The following FSIP1 variants were observed in gnomAD, a reference collection of about 807,000 sequenced individuals.
FSIP1 encodes the protein fibrous sheath-interacting protein 1.
Under a neutral mutation model 60.9 loss-of-function variants are expected in FSIP1, and 65 were observed. The ratio of observed to expected loss-of-function variants is 1.07; its 90% CI spans 0.87 to 1.31. FSIP1 has a LOEUF of 1.31. FSIP1 is among the 40% of genes most tolerant of loss of function. The probability of loss-of-function intolerance (pLI) is 0.00; values close to 1 mark genes in which losing one functional copy is unlikely to be tolerated. For missense variants in FSIP1, 675 were observed against 665.5 expected (o/e 1.01, Z -0.16); for synonymous variants, 209 against 221.2 (o/e 0.94, Z 0.49).
rs187058016 is a variant in FSIP1 at position 39,698,028 on chromosome 15, G to A, written c.1188+15416C>T. ...AAAAAATAAACCAATGTATCTGAGT[G>A]CTACATAAATCACCTTTTTCTACTC... On this transcript the variant is annotated intron_variant, in intron 10 of 11. Transcript: ENST00000350221. Among the ~76,000 whole-genome samples the A allele has an allele frequency of 3.5e-3, 530 of 151,892 alleles. 3 individuals carry two copies. The highest frequency in any genetic ancestry group is 0.012 in the African/African-American group (506 of 41,460).
At chr15:39,751,956 A>G (rs1897176479) in intron 5 of FSIP1, among the ~76,000 whole-genome samples, 1 of 151,992 alleles carries the variant, frequency 6.6e-6, no homozygotes, top group Non-Finnish European at 1.5e-5. Flanking sequence ...CCTTAAATAT[A>G]CACAATAAAA....
downstream of FSIP1, chr15:39,598,301 A>G (rs1890524706): frequency 6.6e-6 from 1 of 152,234 alleles, no homozygotes; most frequent in Non-Finnish European, 1.5e-5. Flanking sequence ...CTCTCATTCT[A>G]TAAATACTCA....
intron 10 of FSIP1, among the ~76,000 whole-genome samples, chr15:39,693,085 C>T (rs890859565): frequency 6.6e-5 from 10 of 152,200 alleles, no homozygotes; most frequent in Non-Finnish European, 8.8e-5. Flanking sequence ...GCTGTGATGC[C>T]GCCAAAGTGC....
chr15:39,615,541 A>C (rs923864182), intron 11 of FSIP1, among the ~76,000 whole-genome samples: 3 of 152,086 alleles, frequency 2.0e-5, no homozygotes, highest in Admixed American at 2.0e-4. Context: ...AGAAAATGTA[A>C]ATTAAAATCA....
chr15:39,620,579 A>G (rs1432155622), intron 10 of FSIP1, among the ~76,000 whole-genome samples: 1 of 151,788 alleles, frequency 6.6e-6, no homozygotes, highest in Non-Finnish European at 1.5e-5. Context: ...ATATAAAAAT[A>G]AAAGTAATTT....
intron 5 of FSIP1, among the ~76,000 whole-genome samples, chr15:39,753,950 ATGC>A (rs1566914324): frequency 1.0e-4 from 2 of 19,496 alleles, no homozygotes; most frequent in Non-Finnish European, 4.8e-4. Context: ...TATAAGACCT[ATGC>A]ATAGCTAACA....
intron 10 of FSIP1, among the ~76,000 whole-genome samples, chr15:39,707,627 G>A (rs1273824819): frequency 1.3e-5 from 2 of 152,068 alleles, no homozygotes; most frequent in African/African-American, 4.8e-5. Context: ...TAATAAAAAT[G>A]TATATAGCAC....
intron 10 of FSIP1, among the ~76,000 whole-genome samples, chr15:39,646,067 A>G (rs982182047): frequency 6.6e-6 from 1 of 152,212 alleles, no homozygotes; most frequent in African/African-American, 2.4e-5. Flanking sequence ...GTACTCAGCC[A>G]GAGCAGGGCA....
chr15:39,773,273 T>C (rs2140727313), intron 2 of FSIP1, among the ~76,000 whole-genome samples: 1 of 152,362 alleles, frequency 6.6e-6, no homozygotes, highest in Non-Finnish European at 1.5e-5. Flanking sequence ...TGATTTGCAA[T>C]CAGCAGTCAG....
chr15:39,659,626 T>TAAA (rs150262830), intron 10 of FSIP1, among the ~76,000 whole-genome samples: 91,204 of 133,140 alleles, frequency 0.69, 33,030 homozygotes, highest in Non-Finnish European at 0.83. Flanking sequence ...AGCTGTTATT[T>TAAA]TAAAAAAAAA....
At chr15:39,647,709 G>A (rs1346225417) in intron 10 of FSIP1, among the ~76,000 whole-genome samples, 1 of 151,352 alleles carries the variant, frequency 6.6e-6, no homozygotes, top group Non-Finnish European at 1.5e-5. Flanking sequence ...TTAATAGAAT[G>A]AAAACACACA....
chr15:39,703,140 AC>A lies in FSIP1; in HGVS notation c.1188+10303del, dbSNP rs372328752. 9.3e-3 allele frequency among the ~76,000 whole-genome samples: 1,412 copies of A among 151,934 alleles called. 20 individuals carry two copies. The highest frequency in any genetic ancestry group is 0.032 in the African/African-American group (1,332 of 41,412). ...TGGGATTACAGGCATGCACCACCAC[AC>A]CCGGCTAATTTTGTATTTTTAGTAG... On this transcript the variant is annotated intron_variant, in intron 10 of 11. Coordinates refer to ENST00000350221, the MANE Select transcript of FSIP1 (RefSeq NM_152597.5).
intron 11 of FSIP1, among the ~76,000 whole-genome samples, chr15:39,604,587 T>TA (rs1213656676): frequency 6.6e-6 from 1 of 152,200 alleles, no homozygotes; most frequent in Non-Finnish European, 1.5e-5. Flanking sequence ...GGTTTTATAT[T>TA]AAAAAATGAA....
At chr15:39,740,107 C>T (rs955060956) in intron 6 of FSIP1, among the ~76,000 whole-genome samples, 3 of 152,142 alleles carry the variant, frequency 2.0e-5, no homozygotes, top group Non-Finnish European at 2.9e-5. Context: ...AAGAAGAAAT[C>T]GCTGATGTTA....
chr15:39,657,785 A>C (rs1317910472), intron 10 of FSIP1, among the ~76,000 whole-genome samples: 1 of 152,220 alleles, frequency 6.6e-6, no homozygotes, highest in Admixed American at 6.5e-5. Flanking sequence ...TAAAATCAAT[A>C]TTAATAAAAA....
At chr15:39,774,972 T>C (rs1385620153) in intron 2 of FSIP1, among the ~76,000 whole-genome samples, 1 of 152,160 alleles carries the variant, frequency 6.6e-6, no homozygotes, top group Non-Finnish European at 1.5e-5. Context: ...ACCTGTTGAT[T>C]TTGAGGTCTT....
chr15:39,611,394 T>C (rs970940779), intron 11 of FSIP1, among the ~76,000 whole-genome samples: 1 of 152,184 alleles, frequency 6.6e-6, no homozygotes, highest in African/African-American at 2.4e-5. Context: ...TGAAGTGATC[T>C]TCCCACTTCA....
intron 10 of FSIP1, among the ~76,000 whole-genome samples, chr15:39,652,015 G>A (rs1222488634): frequency 1.3e-5 from 2 of 152,200 alleles, no homozygotes; most frequent in East Asian, 3.8e-4. Context: ...AAATAAAGGG[G>A]TGAATGGAAG....
At chr15:39,668,974 A>T (rs1893611000) in intron 10 of FSIP1, among the ~76,000 whole-genome samples, 1 of 152,228 alleles carries the variant, frequency 6.6e-6, no homozygotes, top group Non-Finnish European at 1.5e-5. Flanking sequence ...TCAGATGAAG[A>T]TAATGATATA....
Sources: gnomAD v4.1 joint callset for allele counts (sites outside exome capture counted in the v4.1 genomes callset) on GRCh38, gnomAD v4.1.1 for gene constraint, MANE v1.5 for transcripts, NCBI Gene and HGNC (gene_info 2026-07-23, HGNC 2026-07-21) for gene names.